The following ZNF460 variants were observed in gnomAD, a reference collection of about 807,000 sequenced individuals.
ZNF460 encodes zinc finger protein 460.
A neutral mutation model predicts 8.4 loss-of-function variants in ZNF460; 1 was observed. The observed-to-expected ratio is 0.12, with a 90% CI of 0.04 to 0.56. The LOEUF (loss-of-function observed/expected upper bound fraction) is 0.56. ZNF460 is among the 20% of genes least tolerant of loss of function. The pLI, the probability that ZNF460 is intolerant of heterozygous loss-of-function variation, is 0.91. For missense variants in ZNF460, 477 were observed against 714.8 expected (o/e 0.67, Z 3.79); for synonymous variants, 262 against 259.9 (o/e 1.01, Z -0.08).
In ZNF460 at chr19:57,290,883, G is replaced by C; in HGVS notation, c.342G>C (p.Gln114His). 6.2e-7 allele frequency: 1 copy of C among 1,614,178 alleles called. No individual in the cohort carries two copies. Among genetic ancestry groups the C allele is most frequent in the Non-Finnish European group, 8.5e-7 (1 of 1,180,046 alleles). Residue 114 changes from glutamine to histidine, a missense_variant, in exon 3 of 3, where the codon CAG becomes CAC. By Grantham distance (24) the Gln-to-His change is conservative. This residue lies in a region of ZNF460 where 169 missense variants were observed against 178.6 expected (regional missense o/e 0.95). Transcript: ENST00000360338. Reference sequence around the variant, plus strand: ...TTTTGAGACCAGGGACAGACCCACAGAGTGAGAAACTCCATGGGAAAATGA... The same window carrying C: ...TTTTGAGACCAGGGACAGACCCACACAGTGAGAAACTCCATGGGAAAATGA... ...EYFLRPGTDPQSEKLHGKMSL... is the reference protein window; with the variant it reads ...EYFLRPGTDPHSEKLHGKMSL...
At chr19:57,280,918 C>G in intron 1 of ZNF460, 82 bp downstream of exon 1, 1 of 1,575,086 alleles carries the variant, frequency 6.3e-7, no homozygotes, top group South Asian at 1.1e-5. Flanking sequence ...AAGACAGCCA[C>G]AGGATTTTTC....
chr19:57,285,828 T>C (rs1180247163), intron 2 of ZNF460, among the ~76,000 whole-genome samples: 1 of 152,162 alleles, frequency 6.6e-6, no homozygotes, highest in Non-Finnish European at 1.5e-5. Context: ...CTCCCATTCT[T>C]TATGGCCTCC....
At chr19:57,284,213 T>C (rs2087862557) in intron 1 of ZNF460, among the ~76,000 whole-genome samples, 1 of 150,516 alleles carries the variant, frequency 6.6e-6, no homozygotes, top group Non-Finnish European at 1.5e-5. Flanking sequence ...TATTTATTTA[T>C]TTATTTTTTA....
Position 57,281,046 on chromosome 19 carries a change from T to A in ZNF460, c.30+210T>A, listed in dbSNP as rs561684962. Among the ~76,000 whole-genome samples, 14 of 152,298 alleles carry A rather than the reference T, an allele frequency of 9.2e-5. No homozygotes were observed. The South Asian group carries it at 2.7e-3, about 29-fold the overall frequency. On this transcript the variant is annotated intron_variant, in intron 1 of 2. Coordinates refer to ENST00000360338, the MANE Select transcript of ZNF460 (RefSeq NM_006635.4). Reference sequence around the variant, plus strand: ...CAGTCCGTGGTTGAAGGAGTGATGCTTCCTTCTAGGGATCTCATCACACTT... The same window carrying A: ...CAGTCCGTGGTTGAAGGAGTGATGCATCCTTCTAGGGATCTCATCACACTT...
chr19:57,280,503 G>T lies in ZNF460; in HGVS notation c.-304G>T. The stretch of plus-strand genomic sequence containing the variant: ...TGGCCCTGAAACAGTGTGGGGCCTA[G>T]AGCGCTGGGTGGGCGCGTTCTGCGG... On this transcript the variant is annotated 5_prime_UTR_variant, in exon 1 of 3. Coordinates refer to ENST00000360338, the MANE Select transcript of ZNF460 (RefSeq NM_006635.4). 1 of 477,080 alleles carries T rather than the reference G, an allele frequency of 2.1e-6. No individual in the cohort carries two copies. Among genetic ancestry groups the T allele is most frequent in the Non-Finnish European group, 3.8e-6 (1 of 262,488 alleles). 29.6% of individuals were successfully genotyped at this position (477,080 alleles called of 1,614,324 possible). A position where few individuals can be genotyped will look rare whatever the true frequency, so the allele number is the denominator to read the frequency against.
chr19:57,285,470 TTGA>T (rs1245080024), intron 2 of ZNF460, among the ~76,000 whole-genome samples: 1 of 152,194 alleles, frequency 6.6e-6, no homozygotes, highest in African/African-American at 2.4e-5. Context: ...TGTCTCTCTG[TTGA>T]TACTCTTCTC....
At chr19:57,284,223 AT>A (rs2087862948) in intron 1 of ZNF460, among the ~76,000 whole-genome samples, 1 of 143,158 alleles carries the variant, frequency 7.0e-6, no homozygotes, top group East Asian at 2.0e-4. Flanking sequence ...TTTATTTTTT[AT>A]TTATTTATTT....
chr19:57,283,400 C>T (rs2087854826), intron 1 of ZNF460, among the ~76,000 whole-genome samples: 2 of 151,680 alleles, frequency 1.3e-5, no homozygotes, highest in African/African-American at 2.4e-5. Context: ...AATTTCCTGA[C>T]CTCATGATCT....
intron 2 of ZNF460, among the ~76,000 whole-genome samples, chr19:57,289,523 T>C (rs1222987222): frequency 6.6e-6 from 1 of 152,154 alleles, no homozygotes; most frequent in African/African-American, 2.4e-5. Context: ...TCCCTGCCCC[T>C]TCTAGGCTAC....
In ZNF460 at chr19:57,287,271, T is replaced by C. The variant is rs568098298; in HGVS notation, c.157+2594T>C. On this transcript the variant is annotated intron_variant, in intron 2 of 2. Coordinates refer to ENST00000360338, the MANE Select transcript of ZNF460 (RefSeq NM_006635.4). Reference sequence around the variant, plus strand: ...TTCTCAATATGTTGTAGTTTCTCATTGTATGTGAAACTGCCATCCATTTGT... The same window carrying C: ...TTCTCAATATGTTGTAGTTTCTCATCGTATGTGAAACTGCCATCCATTTGT... Among the ~76,000 whole-genome samples the C allele has an allele frequency of 2.0e-5, 3 of 152,298 alleles. No individual in the cohort carries two copies. The South Asian group carries it at 6.2e-4, about 32-fold the overall frequency.
At chr19:57,283,066 A>G (rs1192186808) in intron 1 of ZNF460, among the ~76,000 whole-genome samples, 1 of 151,138 alleles carries the variant, frequency 6.6e-6, no homozygotes, top group African/African-American at 2.4e-5. Flanking sequence ...ACTGAGGCCC[A>G]GGTCTCAGGT....
rs1189265155 is a variant in ZNF460, at chr19:57,293,880, A to G, written c.*1650A>G. 6.6e-6 allele frequency: 1 copy of G among 152,048 alleles called. No homozygotes were observed. The highest frequency in any genetic ancestry group is 6.6e-5 in the Admixed American group (1 of 15,264). The allele number at this position is 152,048 out of a possible 1,614,324, so 9.4% of individuals were successfully genotyped here. ...TCTCTTTCTGTGTCTAGCTTATTTC[A>G]CTTAATGTCTTTCAAGCTCATTCAT... On this transcript the variant is annotated 3_prime_UTR_variant, in exon 3 of 3. Transcript: ENST00000360338.
At chr19:57,285,778 G>C (rs1386134198) in intron 2 of ZNF460, among the ~76,000 whole-genome samples, 1 of 152,134 alleles carries the variant, frequency 6.6e-6, no homozygotes, top group African/African-American at 2.4e-5. Context: ...CCCTCACTCT[G>C]CTGCCCTGTT....
chr19:57,280,377 C>A, upstream of ZNF460: 1 of 190,182 alleles, frequency 5.3e-6, no homozygotes, highest in Non-Finnish European at 1.1e-5. Flanking sequence ...GCCGCGGACT[C>A]TGGGCCATTG....
intron 2 of ZNF460, among the ~76,000 whole-genome samples, chr19:57,290,225 G>C: frequency 6.6e-6 from 1 of 152,180 alleles, no homozygotes; most frequent in East Asian, 1.9e-4. Context: ...CAGATCCCGG[G>C]TGATCCGCCT....
Position 57,281,026 on chromosome 19 carries a change from C to A in ZNF460, c.30+190C>A, listed in dbSNP as rs117586684. On this transcript the variant is annotated intron_variant, in intron 1 of 2. Transcript: ENST00000360338. ...GTTGGCCTCTGATAGGTGTTCAGTC[C>A]GTGGTTGAAGGAGTGATGCTTCCTT... Among the ~76,000 whole-genome samples the A allele has an allele frequency of 5.3e-4, 81 of 152,280 alleles. No homozygotes were observed. In the East Asian group the frequency reaches 0.015, roughly 29 times the overall value.
intron 2 of ZNF460, among the ~76,000 whole-genome samples, chr19:57,288,825 T>C (rs901088988): frequency 2.6e-5 from 4 of 152,118 alleles, no homozygotes; most frequent in African/African-American, 9.7e-5. Context: ...AGTTATCTCA[T>C]AGCCCATCCT....
At position 57,280,650 on chromosome 19, in the gene ZNF460, C is replaced by G. The variant is rs2087830738; in HGVS notation, c.-157C>G. Reference sequence around the variant, plus strand: ...GCGCCCGCCGAGGCCTAGGCCTCCGCAGCCGCCCTCCGTCTCCTCAGCCCC... The same window carrying G: ...GCGCCCGCCGAGGCCTAGGCCTCCGGAGCCGCCCTCCGTCTCCTCAGCCCC... On this transcript the variant is annotated 5_prime_UTR_variant, in exon 1 of 3. Coordinates refer to ENST00000360338, the MANE Select transcript of ZNF460 (RefSeq NM_006635.4). The G allele has an allele frequency of 1.8e-6, 2 of 1,106,588 alleles. No individual in the cohort carries two copies. The allele number at this position is 1,106,588 out of a possible 1,614,324, so 68.5% of individuals were successfully genotyped here.
At chr19:57,283,020 T>C (rs2122883159) in intron 1 of ZNF460, among the ~76,000 whole-genome samples, 1 of 149,890 alleles carries the variant, frequency 6.7e-6, no homozygotes, top group East Asian at 2.0e-4. Context: ...CATGAACACA[T>C]GAGACTTTGG....
Sources: gnomAD v4.1 joint callset for allele counts (sites outside exome capture counted in the v4.1 genomes callset) on GRCh38, gnomAD v4.1.1 for gene constraint, gnomAD v4.1.1 regional missense constraint, MANE v1.5 for transcripts, NCBI Gene and HGNC (gene_info 2026-07-23, HGNC 2026-07-21) for gene names.